Variants in ACSS3 observed in about 807,000 individuals in gnomAD.
ACSS3 encodes acyl-CoA synthetase short-chain family member 3, mitochondrial.
Under a neutral mutation model 84.2 loss-of-function variants are expected in ACSS3, and 64 were observed. That is an observed-to-expected ratio of 0.76 (90% CI 0.62 to 0.94). The LOEUF is 0.94. Ranked by LOEUF, ACSS3 falls within the 40% of genes least tolerant of loss-of-function variation. The pLI, the probability that ACSS3 is intolerant of heterozygous loss-of-function variation, is 0.00. For missense variants in ACSS3, 815 were observed against 867.6 expected, an observed-to-expected ratio of 0.94 and a Z score of 0.76; for synonymous variants, 317 against 310.1, an observed-to-expected ratio of 1.02 and a Z score of -0.23.
intron 2 of ACSS3, chr12:81,124,416 C>T (rs1167768081): frequency 1.3e-5 from 2 of 152,148 alleles, no homozygotes; most frequent in Non-Finnish European, 2.9e-5. Context: ...CTCACTTCTC[C>T]TGCATATTGT....
intron 4 of ACSS3, among the ~76,000 whole-genome samples, chr12:81,140,557 C>A (rs761032595): frequency 4.6e-5 from 7 of 152,116 alleles, no homozygotes; most frequent in Non-Finnish European, 8.8e-5. Context: ...TTCCCATTAC[C>A]ACATTAAATT....
At chr12:81,079,019 C>T (rs913001005) in intron 1 of ACSS3, among the ~76,000 whole-genome samples, 5 of 152,014 alleles carry the variant, frequency 3.3e-5, no homozygotes, top group African/African-American at 7.3e-5. Context: ...AGTGGTGAGT[C>T]AGGGGCTGGG....
chr12:81,153,479 TTATAAG>T (rs1886716890), intron 7 of ACSS3, among the ~76,000 whole-genome samples: 1 of 151,918 alleles, frequency 6.6e-6, no homozygotes, highest in African/African-American at 2.4e-5. Flanking sequence ...AGTGCAGATA[TTATAAG>T]TATATTTTGA....
At chr12:81,127,598 A>G (rs889424830) in intron 2 of ACSS3, among the ~76,000 whole-genome samples, 1 of 152,180 alleles carries the variant, frequency 6.6e-6, no homozygotes, top group Admixed American at 6.5e-5. Flanking sequence ...CTGTTTCCTC[A>G]GATATTATAA....
At chr12:81,157,721 C>T (rs558892878) in intron 7 of ACSS3, among the ~76,000 whole-genome samples, 35 of 152,112 alleles carry the variant, frequency 2.3e-4, no homozygotes, top group South Asian at 1.0e-3. Flanking sequence ...GCAAGAGAAT[C>T]GCTTGAACCC....
chr12:81,107,505 TATATAC>T (rs1397623201), intron 1 of ACSS3, among the ~76,000 whole-genome samples: 1,328 of 32,630 alleles, frequency 0.041, 230 homozygotes, highest in Middle Eastern at 0.071. Context: ...CAGGTACAAA[TATATAC>T]ATATATATAT....
At chr12:81,111,303 C>A (rs1029739797) in intron 2 of ACSS3, among the ~76,000 whole-genome samples, 2 of 152,236 alleles carry the variant, frequency 1.3e-5, no homozygotes, top group African/African-American at 4.8e-5. Context: ...TAACATCTGT[C>A]ATGCTGAACC....
At chr12:81,223,811 A>G (rs559683502) in intron 11 of ACSS3, among the ~76,000 whole-genome samples, 5 of 152,154 alleles carry the variant, frequency 3.3e-5, no homozygotes, top group African/African-American at 9.6e-5. Context: ...ACAGGCTTCA[A>G]TTTATTTCTA....
intron 1 of ACSS3, among the ~76,000 whole-genome samples, chr12:81,085,619 T>C (rs1881259446): frequency 1.3e-5 from 2 of 152,226 alleles, no homozygotes; most frequent in Non-Finnish European, 2.9e-5. Flanking sequence ...AAGGGAACTG[T>C]TCCGAAGGCA....
rs975601309 is a variant in ACSS3, at chr12:81,258,769, A to T, written c.*3847A>T. On this transcript the variant is annotated 3_prime_UTR_variant, in exon 16 of 16. Coordinates refer to ENST00000548058, the MANE Select transcript of ACSS3 (RefSeq NM_024560.4). The stretch of plus-strand genomic sequence containing the variant: ...TTTCTCTAGTGGAAATGAGCCTCAG[A>T]CTCTGCGGTGGTTGACATTCACTGT... 2 of 150,734 alleles carry T rather than the reference A, an allele frequency of 1.3e-5. No homozygotes were observed. The highest frequency in any genetic ancestry group is 3.0e-5 in the Non-Finnish European group (2 of 67,570). The allele number at this position is 150,734 out of a possible 1,614,324, so 9.3% of individuals were successfully genotyped here.
rs1346797834 is a variant in ACSS3, at chr12:81,259,327, T to TA, written c.*4406dup. The TA allele has an allele frequency of 6.2e-6, 3 of 483,924 alleles. No homozygotes were observed. Among genetic ancestry groups the TA allele is most frequent in the South Asian group, 5.4e-5 (3 of 55,332 alleles). 30.0% of individuals were successfully genotyped at this position (483,924 alleles called of 1,614,324 possible). A position where few individuals can be genotyped will look rare whatever the true frequency, so the allele number is the denominator to read the frequency against. ...TATTTATATCCATTTACATAAGACTTACACATTTAAAAAGAAATGCACGGT... is the reference window on the plus strand; with the variant it reads ...TATTTATATCCATTTACATAAGACTTAACACATTTAAAAAGAAATGCACGGT... On this transcript the variant is annotated 3_prime_UTR_variant, in exon 16 of 16. Coordinates refer to ENST00000548058, the MANE Select transcript of ACSS3 (RefSeq NM_024560.4).
Position 81,256,905 on chromosome 12 carries a change from C to T in ACSS3, c.*1983C>T, listed in dbSNP as rs1339377000. 6.6e-6 allele frequency: 1 copy of T among 152,048 alleles called. No homozygotes were observed. Among genetic ancestry groups the T allele is most frequent in the Non-Finnish European group, 1.5e-5 (1 of 68,014 alleles). 9.4% of individuals were successfully genotyped at this position (152,048 alleles called of 1,614,324 possible). On this transcript the variant is annotated 3_prime_UTR_variant, in exon 16 of 16. Coordinates refer to ENST00000548058, the MANE Select transcript of ACSS3 (RefSeq NM_024560.4). ...TGAAGCTGTTGGGATCCTTGAGTTG[C>T]CTCTTTCATTGGTACGTTTTATCCA...
At chr12:81,142,962 C>CT in intron 4 of ACSS3, 145 bp from the exon 5 acceptor site, 1 of 742,546 alleles carries the variant, frequency 1.3e-6, no homozygotes, top group Non-Finnish European at 1.9e-6. Flanking sequence ...TGAACTTGAA[C>CT]TTTTTAGTCA....
intron 2 of ACSS3, among the ~76,000 whole-genome samples, chr12:81,119,580 C>T (rs570910750): frequency 1.2e-3 from 178 of 152,164 alleles, no homozygotes; most frequent in Non-Finnish European, 2.1e-3. Context: ...GCATTCCTTT[C>T]CCAGGGTCTT....
chr12:81,094,516 G>A (rs962808626), intron 1 of ACSS3: 2 of 152,042 alleles, frequency 1.3e-5, no homozygotes, highest in Admixed American at 1.3e-4. Context: ...AATTTGTAAG[G>A]CTCGATGGAA....
chr12:81,129,628 G>C (rs994185717), intron 2 of ACSS3, among the ~76,000 whole-genome samples: 1 of 151,950 alleles, frequency 6.6e-6, no homozygotes, highest in Non-Finnish European at 1.5e-5. Context: ...ACAAGGTCTT[G>C]AATTTTTTTT....
chr12:81,208,400 A>T (rs1254648038), intron 9 of ACSS3, among the ~76,000 whole-genome samples: 1 of 152,062 alleles, frequency 6.6e-6, no homozygotes, highest in Non-Finnish European at 1.5e-5. Context: ...ACCCTCATTC[A>T]CATCTAGTTT....
chr12:81,131,870 A>G (rs1224605153), intron 2 of ACSS3, among the ~76,000 whole-genome samples: 1 of 152,134 alleles, frequency 6.6e-6, no homozygotes, highest in Non-Finnish European at 1.5e-5. Context: ...CCTTTTTTGC[A>G]TCTACTGAGA....
At chr12:81,119,670 T>G (rs1284667361) in intron 2 of ACSS3, among the ~76,000 whole-genome samples, 8 of 152,124 alleles carry the variant, frequency 5.3e-5, no homozygotes. Context: ...CTGTCTATGC[T>G]ATATGGCTCT....
Sources: allele counts gnomAD v4.1 joint callset (sites outside exome capture counted in the v4.1 genomes callset), GRCh38; gene constraint gnomAD v4.1.1; transcripts MANE v1.5; gene names NCBI Gene and HGNC (gene_info 2026-07-23, HGNC 2026-07-21).